The following TG variants were observed in gnomAD, a reference collection of about 807,000 sequenced individuals.
TG encodes the protein thyroid hormones.
In TG, 270 loss-of-function variants were observed where a neutral mutation model predicts 324.7. The ratio of observed to expected loss-of-function variants is 0.83; its 90% confidence interval spans 0.75 to 0.92. The LOEUF (loss-of-function observed/expected upper bound fraction) is 0.92, where lower values mean the gene tolerates loss of function less well. Ranked by LOEUF, TG falls within the 40% of genes least tolerant of loss-of-function variation. TG has a pLI of 0.00. For synonymous variants in TG, 1,401 were observed against 1,327.0 expected, an observed-to-expected ratio of 1.06 and a Z score of -1.21; for missense variants, 3,591 against 3,456.4, an observed-to-expected ratio of 1.04 and a Z score of -0.98.
chr8:133,063,569 A>T (rs934055144), intron 41 of TG: 4 of 152,054 alleles, frequency 2.6e-5, no homozygotes, highest in Non-Finnish European at 5.9e-5. Flanking sequence ...CATCCAGGAA[A>T]AGAAACGTAC....
At chr8:132,915,881 T>C (rs2132415330) in intron 20 of TG, among the ~76,000 whole-genome samples, 1 of 152,320 alleles carries the variant, frequency 6.6e-6, no homozygotes, top group South Asian at 2.1e-4. Flanking sequence ...CCCATCCTCT[T>C]ACTCCAAAGG....
chr8:132,955,151 T>G (rs1826659272), intron 27 of TG, among the ~76,000 whole-genome samples: 1 of 152,194 alleles, frequency 6.6e-6, no homozygotes, highest in South Asian at 2.1e-4. Flanking sequence ...GATTGTCAGC[T>G]GATTCTTCAT....
At chr8:132,944,713 A>G (rs958988068) in intron 26 of TG, among the ~76,000 whole-genome samples, 5 of 152,182 alleles carry the variant, frequency 3.3e-5, no homozygotes, top group African/African-American at 1.2e-4. Context: ...CCAGAGGGAG[A>G]AAAGGATAAT....
In TG at chr8:132,897,654, A is replaced by G. The variant is rs1817309915; in HGVS notation, c.3007A>G (p.Ser1003Gly). The change falls in exon 12 of 48, where the codon AGC becomes GGC. Residue 1003 changes from serine to glycine, a missense_variant. By Grantham distance (56) the Ser-to-Gly change is moderately conservative. Transcript: ENST00000220616. ...TTCTCCTTCCCTGACTCCAGCCTTA[A>G]GCTTCTATCAGAGACGCCGCTTTTC... ...AIRLAAQSTLSFYQRRRFSPD... is the reference protein window; with the variant it reads ...AIRLAAQSTLGFYQRRRFSPD... 1 of 1,614,166 alleles carries G rather than the reference A, an allele frequency of 6.2e-7. No homozygotes were observed. Among genetic ancestry groups the G allele is most frequent in the Non-Finnish European group, 8.5e-7 (1 of 1,180,024 alleles).
At chr8:132,990,375 T>G (rs7824618) in intron 35 of TG, among the ~76,000 whole-genome samples, 61,996 of 151,760 alleles carry the variant, frequency 0.41, 14,477 homozygotes, top group African/African-American at 0.64. Context: ...GTAATGATCA[T>G]ACCAGGGCAA....
intron 41 of TG, among the ~76,000 whole-genome samples, chr8:133,063,047 T>TC (rs1232433749): frequency 6.6e-6 from 1 of 152,220 alleles, no homozygotes; most frequent in Non-Finnish European, 1.5e-5. Flanking sequence ...CCTTTGGGCT[T>TC]CTGGGGAAAG....
At chr8:133,023,535 G>T (rs1835742148) in intron 40 of TG, among the ~76,000 whole-genome samples, 1 of 152,166 alleles carries the variant, frequency 6.6e-6, no homozygotes, top group Admixed American at 6.5e-5. Flanking sequence ...AGTGTTTAAA[G>T]AATTATTCAC....
intron 43 of TG, among the ~76,000 whole-genome samples, chr8:133,109,090 T>C (rs1850062133): frequency 6.6e-6 from 1 of 152,222 alleles, no homozygotes. Context: ...TACAAGGTAG[T>C]TCTGCCCTTT....
In TG at chr8:133,110,862, CTCT is replaced by C. The variant is rs1369067442; in HGVS notation, c.7573-2555_7573-2553del. 2.6e-5 allele frequency among the ~76,000 whole-genome samples: 4 copies of C among 152,290 alleles called. No individual in the cohort carries two copies. In the East Asian group the frequency reaches 5.8e-4, roughly 22 times the overall value. ...TGCACCTTGCACTGAGACTTCCTAG[CTCT>C]TCTTAGCCCGCACCCACGAACAACC... On this transcript the variant is annotated intron_variant, in intron 43 of 47. Transcript: ENST00000220616.
intron 21 of TG, among the ~76,000 whole-genome samples, chr8:132,922,604 T>A (rs1244519000): frequency 6.6e-6 from 1 of 152,246 alleles, no homozygotes; most frequent in Non-Finnish European, 1.5e-5. Context: ...TTTGGGCTGC[T>A]ATAAGAAAAT....
chr8:133,121,264 G>C (rs1851120163), intron 45 of TG, among the ~76,000 whole-genome samples: 1 of 152,298 alleles, frequency 6.6e-6, no homozygotes, highest in African/African-American at 2.4e-5. Context: ...GGAGTAGGGA[G>C]GCCGGAGAGG....
chr8:133,044,689 A>G (rs1282300727), intron 41 of TG, among the ~76,000 whole-genome samples: 1 of 152,182 alleles, frequency 6.6e-6, no homozygotes, highest in Non-Finnish European at 1.5e-5. Context: ...TGTATGGCCC[A>G]CTTAAGGATG....
At chr8:132,885,084 T>C (rs1266123811) in intron 8 of TG, among the ~76,000 whole-genome samples, 1 of 150,606 alleles carries the variant, frequency 6.6e-6, no homozygotes, top group Non-Finnish European at 1.5e-5. Flanking sequence ...CTGACTTTCT[T>C]TTTGGCATTT....
In TG at chr8:133,116,718, T is replaced by G. The variant is rs1189589576; in HGVS notation, c.7862+2T>G. 6.2e-7 allele frequency: 1 copy of G among 1,613,424 alleles called. No homozygotes were observed. Among genetic ancestry groups the G allele is most frequent in the South Asian group, 1.1e-5 (1 of 91,072 alleles). On this transcript the variant is annotated splice_donor_variant, in intron 45 of 47. Transcript: ENST00000220616. LOFTEE classifies it high-confidence loss of function. Reference sequence around the variant, plus strand: ...TCCTGAAAACTACGGCCATGGCAGGTAAGACGCTGCAGGGAAGCAGAGAAA... The same window carrying G: ...TCCTGAAAACTACGGCCATGGCAGGGAAGACGCTGCAGGGAAGCAGAGAAA...
intron 27 of TG, among the ~76,000 whole-genome samples, chr8:132,955,234 C>G (rs1826680895): frequency 6.6e-6 from 1 of 152,148 alleles, no homozygotes; most frequent in Non-Finnish European, 1.5e-5. Flanking sequence ...AGCAAGTCTC[C>G]AAATTCTGCC....
intron 27 of TG, among the ~76,000 whole-genome samples, chr8:132,954,659 G>T (rs2140297): frequency 0.3 from 45,881 of 152,012 alleles, 9,207 homozygotes; most frequent in African/African-American, 0.56. Flanking sequence ...TGTGGCTTTC[G>T]GCAGCTCCCT....
intron 27 of TG, among the ~76,000 whole-genome samples, chr8:132,958,983 C>T (rs910123049): frequency 5.9e-5 from 9 of 152,268 alleles, no homozygotes; most frequent in East Asian, 1.9e-4. Flanking sequence ...TGTTCACTTG[C>T]GCAAATTGTT....
At chr8:133,084,128 C>T (rs1846148390) in intron 41 of TG, among the ~76,000 whole-genome samples, 1 of 152,036 alleles carries the variant, frequency 6.6e-6, no homozygotes, top group Admixed American at 6.5e-5. Context: ...CAAGAGCTGG[C>T]CCATGGCATT....
intron 16 of TG, among the ~76,000 whole-genome samples, chr8:132,902,851 A>G (rs541411382): frequency 1.3e-5 from 2 of 152,060 alleles, no homozygotes; most frequent in African/African-American, 4.8e-5. Context: ...GCCATGTAGG[A>G]CTCCATGATA....
Sources: allele counts gnomAD v4.1 joint callset (sites outside exome capture counted in the v4.1 genomes callset), GRCh38; gene constraint gnomAD v4.1.1; transcripts MANE v1.5; gene names NCBI Gene and HGNC (gene_info 2026-07-23, HGNC 2026-07-21).